The following ZNF503 variants were observed in gnomAD, a reference collection of about 807,000 sequenced individuals.
The protein encoded by ZNF503 is NocA-like zinc finger 2.
Under a neutral mutation model 34.4 loss-of-function variants are expected in ZNF503, and 15 were observed. The observed-to-expected ratio is 0.44, with a 90% CI of 0.29 to 0.67. The LOEUF (loss-of-function observed/expected upper bound fraction) is 0.67, where lower values mean the gene tolerates loss of function less well. Ranked by LOEUF, ZNF503 falls within the 30% of genes least tolerant of loss-of-function variation. The pLI is 0.13. For synonymous variants in ZNF503, 580 were observed against 456.8 expected, an observed-to-expected ratio of 1.27 and a Z score of -3.44; for missense variants, 1,007 against 926.8, an observed-to-expected ratio of 1.09 and a Z score of -1.12.
At chr10:75,300,068 G>T in the ZNF503 span, among the ~76,000 whole-genome samples, 1 of 152,186 alleles carries the variant, frequency 6.6e-6, no homozygotes, top group African/African-American at 2.4e-5. Context: ...GGAGACTGGG[G>T]CTTATTTCAT....
At chr10:75,395,203 A>G (rs936259519), downstream of ZNF503, among the ~76,000 whole-genome samples, 4 of 152,118 alleles carry the variant, frequency 2.6e-5, no homozygotes, top group African/African-American at 4.8e-5. This position sits in a 1 kb window ranked among gnomAD's most constrained non-coding sequence, Gnocchi z 4.4. Flanking sequence ...TGAGGGTGGG[A>G]GCTCCCCAGG....
chr10:75,339,087 C>T, the ZNF503 span, among the ~76,000 whole-genome samples: 1 of 152,072 alleles, frequency 6.6e-6, no homozygotes, highest in African/African-American at 2.4e-5. Flanking sequence ...AAAAATTAGC[C>T]GGACATTATG....
At chr10:75,352,865 G>A in the ZNF503 span, among the ~76,000 whole-genome samples, 8 of 152,356 alleles carry the variant, frequency 5.3e-5, no homozygotes, top group Non-Finnish European at 1.2e-4. Context: ...GGCTGCCTGG[G>A]CCTAGGGCAG....
chr10:75,300,314 CT>C, the ZNF503 span, among the ~76,000 whole-genome samples: 11 of 152,176 alleles, frequency 7.2e-5, no homozygotes, highest in Admixed American at 1.3e-4. Context: ...TTATCCTGTT[CT>C]TTTTTCAAGG....
downstream of ZNF503, among the ~76,000 whole-genome samples, chr10:75,393,196 G>T (rs950978318): frequency 2.0e-5 from 3 of 152,346 alleles, no homozygotes; most frequent in South Asian, 2.1e-4. Context: ...ACCTTCGGGA[G>T]TTTTGGGGAC....
At chr10:75,367,921 C>T in the ZNF503 span, among the ~76,000 whole-genome samples, 888 of 152,336 alleles carry the variant, frequency 5.8e-3, 7 homozygotes, top group African/African-American at 0.02. Context: ...ATTTCAAGTC[C>T]TGCTTGGCCC....
rs1377793406 is a variant in ZNF503 at position 75,401,457 on chromosome 10, C to T, written c.-38G>A. The stretch of plus-strand genomic sequence containing the variant: ...CGCATGGGAGCAGCGGGGGGGAGGG[C>T]TCCGGGAGGCGCGGGGCGGGCTCGG... On this transcript the variant is annotated 5_prime_UTR_variant, in exon 1 of 2. Transcript: ENST00000372524. 6.6e-6 allele frequency: 10 copies of T among 1,509,008 alleles called. No individual in the cohort carries two copies. The highest frequency in any genetic ancestry group is 8.8e-6 in the Non-Finnish European group (10 of 1,136,680). The allele number at this position is 1,509,008 out of a possible 1,614,324, so 93.5% of individuals were successfully genotyped here.
Position 75,399,584 on chromosome 10 carries a change from C to T in ZNF503, c.1106G>A (p.Gly369Asp). Residue 369 changes from glycine to aspartate, a missense_variant, in exon 2 of 2, where the codon GGC becomes GAC. By Grantham distance (94) the Gly-to-Asp change is moderately conservative. Transcript: ENST00000372524. Reference sequence around the variant, plus strand: ...GTGTGGCAGGAACTGGGGCGGGTAGCCGGCGTAGGCCCCGGCCAGGCTGCC... The same window carrying T: ...GTGTGGCAGGAACTGGGGCGGGTAGTCGGCGTAGGCCCCGGCCAGGCTGCC... Reference protein sequence around the residue: ...YPGSLAGAYAGYPPQFLPHGV... With the variant: ...YPGSLAGAYADYPPQFLPHGV... The T allele has an allele frequency of 6.3e-7, 1 of 1,596,874 alleles. No homozygotes were observed.
At chr10:75,299,973 A>G in the ZNF503 span, among the ~76,000 whole-genome samples, 1 of 152,218 alleles carries the variant, frequency 6.6e-6, no homozygotes. Context: ...ACATCTTATC[A>G]AGAGACAGGG....
downstream of ZNF503, among the ~76,000 whole-genome samples, chr10:75,396,801 C>T (rs1406849635): frequency 6.6e-6 from 1 of 152,134 alleles, no homozygotes; most frequent in Non-Finnish European, 1.5e-5. The surrounding 1 kb of genome is among the most constrained non-coding windows in gnomAD (Gnocchi z 4.4). Context: ...AGCGCCCAGG[C>T]CTGGAGCGTC....
chr10:75,286,934 G>A, the ZNF503 span, among the ~76,000 whole-genome samples: 58 of 152,244 alleles, frequency 3.8e-4, no homozygotes, highest in African/African-American at 1.4e-3. Flanking sequence ...AAATCTTTTT[G>A]TGTTCCTTAA....
At chr10:75,329,524 G>C in the ZNF503 span, among the ~76,000 whole-genome samples, 1 of 151,082 alleles carries the variant, frequency 6.6e-6, no homozygotes, top group South Asian at 2.1e-4. Context: ...GAGTGCAGTG[G>C]CGTGCTCATA....
At chr10:75,335,661 A>G in the ZNF503 span, among the ~76,000 whole-genome samples, 18 of 152,310 alleles carry the variant, frequency 1.2e-4, no homozygotes, top group African/African-American at 2.4e-4. Flanking sequence ...TAGCAAGCCT[A>G]TCTATTCAAG....
At chr10:75,343,942 G>A in the ZNF503 span, among the ~76,000 whole-genome samples, 4 of 152,232 alleles carry the variant, frequency 2.6e-5, no homozygotes, top group South Asian at 2.1e-4. Context: ...CAGACTGTAC[G>A]GGGGCCACAG....
the ZNF503 span, among the ~76,000 whole-genome samples, chr10:75,373,790 T>C: frequency 6.6e-6 from 1 of 152,220 alleles, no homozygotes; most frequent in African/African-American, 2.4e-5. Context: ...CTTTGCACAG[T>C]GCGGGACACA....
chr10:75,372,138 G>A, the ZNF503 span, among the ~76,000 whole-genome samples: 15 of 152,160 alleles, frequency 9.9e-5, no homozygotes, highest in African/African-American at 3.6e-4. Context: ...CACCATGTTG[G>A]CCAGGCTGGT....
chr10:75,350,520 A>G, the ZNF503 span: 1 of 152,178 alleles, frequency 6.6e-6, no homozygotes, highest in African/African-American at 2.4e-5. Flanking sequence ...CTTTAAGTAC[A>G]ATATGTATCC....
At chr10:75,323,632 A>C in the ZNF503 span, among the ~76,000 whole-genome samples, 3 of 152,140 alleles carry the variant, frequency 2.0e-5, no homozygotes, top group Non-Finnish European at 2.9e-5. Flanking sequence ...TGTGTTGAGC[A>C]TCTTTTCATG....
chr10:75,309,548 T>C, the ZNF503 span, among the ~76,000 whole-genome samples: 1 of 152,216 alleles, frequency 6.6e-6, no homozygotes, highest in Non-Finnish European at 1.5e-5. Context: ...CAGAAGATCA[T>C]TAACATTTTT....
Sources: allele counts gnomAD v4.1 joint callset (sites outside exome capture counted in the v4.1 genomes callset), GRCh38; gene constraint gnomAD v4.1.1; non-coding constraint Gnocchi (gnomAD v3.1); transcripts MANE v1.5; gene names NCBI Gene and HGNC (gene_info 2026-07-23, HGNC 2026-07-21).